The following LRP1B variants were observed in gnomAD, a reference collection of about 807,000 sequenced individuals.
The protein encoded by LRP1B is low-density lipoprotein receptor-related protein 1B.
LRP1B carries 217 observed loss-of-function variants against 556.6 expected under a neutral mutation model. That is an observed-to-expected ratio of 0.39 (90% CI 0.35 to 0.44). The LOEUF is 0.44. Ranked by LOEUF, LRP1B falls within the 20% of genes least tolerant of loss-of-function variation. The pLI, the probability that LRP1B is intolerant of heterozygous loss-of-function variation, is 1.00. For synonymous variants in LRP1B, 2,047 were observed against 1,865.8 expected (o/e 1.10, Z -2.50); for missense variants, 5,053 against 5,620.8 (o/e 0.90, Z 3.23).
At chr2:141,544,384 C>CTTCTTCTT (rs1559131566) in intron 2 of LRP1B, among the ~76,000 whole-genome samples, 7 of 40,792 alleles carry the variant, frequency 1.7e-4, no homozygotes, top group Admixed American at 3.2e-4. Flanking sequence ...TTCTTCTTCT[C>CTTCTTCTT]CTCCTCCTCC....
chr2:141,408,141 A>ATT (rs35914905), intron 3 of LRP1B, among the ~76,000 whole-genome samples: 74,264 of 123,630 alleles, frequency 0.6, 23,556 homozygotes, highest in Non-Finnish European at 0.69. Flanking sequence ...ATTTGGTTCA[A>ATT]TTTTTTTTTT....
At chr2:141,272,935 T>G (rs533653014) in intron 3 of LRP1B, among the ~76,000 whole-genome samples, 57 of 152,294 alleles carry the variant, frequency 3.7e-4, no homozygotes, top group Middle Eastern at 3.4e-3. Flanking sequence ...CAACAAAGAA[T>G]AGAATACTTG....
intron 1 of LRP1B, among the ~76,000 whole-genome samples, chr2:142,031,780 C>T (rs1218765570): frequency 6.6e-6 from 1 of 151,716 alleles, no homozygotes; most frequent in Non-Finnish European, 1.5e-5. Flanking sequence ...AATCCCCAGT[C>T]TCTCAGAATC....
chr2:140,399,213 A>G lies in LRP1B; in HGVS notation c.10415-13204T>C, dbSNP rs200875981. 3.9e-3 allele frequency among the ~76,000 whole-genome samples: 520 copies of G among 132,948 alleles called. 4 individuals carry two copies. Among genetic ancestry groups the G allele is most frequent in the African/African-American group, 0.015 (504 of 33,878 alleles). The allele number at this position is 132,948 out of a possible 152,430, so 87.2% of individuals were successfully genotyped here. On this transcript the variant is annotated intron_variant, in intron 66 of 90. Coordinates refer to ENST00000389484, the MANE Select transcript of LRP1B (RefSeq NM_018557.3). ...CACCACTTATTCAATGTGCCCTTAG[A>G]TTTTCAGGATATTTGATATTTTTAA...
intron 1 of LRP1B, among the ~76,000 whole-genome samples, chr2:142,115,197 A>G (rs60571278): frequency 0.023 from 3,492 of 151,724 alleles, 55 homozygotes; most frequent in African/African-American, 0.039. Context: ...AAATTTCAAC[A>G]TCCTATGAAA....
At chr2:140,813,631 C>A (rs199816946) in intron 32 of LRP1B, 26 bp downstream of exon 32, 4 of 1,609,410 alleles carry the variant, frequency 2.5e-6, no homozygotes, top group Non-Finnish European at 3.4e-6. Flanking sequence ...TACAAAGCAA[C>A]CAAGCTATAG....
At chr2:140,766,741 C>G (rs930552605) in intron 35 of LRP1B, among the ~76,000 whole-genome samples, 1 of 147,754 alleles carries the variant, frequency 6.8e-6, no homozygotes, top group Non-Finnish European at 1.5e-5. Flanking sequence ...GAATAGAAAA[C>G]ATAATATCAG....
intron 63 of LRP1B, among the ~76,000 whole-genome samples, chr2:140,448,006 T>A (rs1043542148): frequency 2.0e-5 from 3 of 152,010 alleles, no homozygotes; most frequent in African/African-American, 7.2e-5. Context: ...CCAAAACAAT[T>A]ACAATAGTAT....
intron 89 of LRP1B, among the ~76,000 whole-genome samples, chr2:140,236,387 CAATA>C (rs1680699779): frequency 6.6e-6 from 1 of 150,730 alleles, no homozygotes; most frequent in African/African-American, 2.4e-5. Flanking sequence ...AATAACTATT[CAATA>C]AATAAGTGAA....
chr2:141,610,702 T>C (rs146470919), intron 2 of LRP1B, among the ~76,000 whole-genome samples: 1,672 of 152,302 alleles, frequency 0.011, 16 homozygotes, highest in Middle Eastern at 0.027. Flanking sequence ...AGGCAGCAAG[T>C]CTGCCTTTTT....
chr2:141,754,612 C>T (rs563498683), intron 2 of LRP1B, among the ~76,000 whole-genome samples: 1 of 152,232 alleles, frequency 6.6e-6, no homozygotes, highest in African/African-American at 2.4e-5. Context: ...TAAACATATT[C>T]CTGTTGACGC....
intron 43 of LRP1B, among the ~76,000 whole-genome samples, chr2:140,590,260 T>C (rs913293456): frequency 6.8e-6 from 1 of 148,076 alleles, no homozygotes; most frequent in African/African-American, 2.5e-5. Context: ...ACATAATATA[T>C]AATGTATATA....
At chr2:140,544,965 T>C (rs1311225870) in intron 43 of LRP1B, among the ~76,000 whole-genome samples, 1 of 152,080 alleles carries the variant, frequency 6.6e-6, no homozygotes, top group Non-Finnish European at 1.5e-5. Context: ...CTGTTACTTA[T>C]TGACTTTTTA....
Position 141,638,896 on chromosome 2 carries a change from C to CGTGTGTGTGT in LRP1B, c.206-158373_206-158364dup, listed in dbSNP as rs143805584. ...ATATATATATATGTGTGTGTATGTG[C>CGTGTGTGTGT]GTGTGTGTGTGTGTGTGTATACATA... On this transcript the variant is annotated intron_variant, in intron 2 of 90. Transcript: ENST00000389484. Among the ~76,000 whole-genome samples, 2 of 57,626 alleles carry CGTGTGTGTGT rather than the reference C, an allele frequency of 3.5e-5. 1 individual carries two copies. Among genetic ancestry groups the CGTGTGTGTGT allele is most frequent in the African/African-American group, 1.2e-4 (2 of 17,380 alleles). 37.8% of individuals were successfully genotyped at this position (57,626 alleles called of 152,430 possible). A position where few individuals can be genotyped will look rare whatever the true frequency, so the allele number is the denominator to read the frequency against.
chr2:141,950,618 G>A (rs569911496), intron 1 of LRP1B, among the ~76,000 whole-genome samples: 5 of 152,156 alleles, frequency 3.3e-5, no homozygotes, highest in Admixed American at 3.3e-4. Flanking sequence ...AGCATTTGGT[G>A]GAATTTTGGA....
intron 1 of LRP1B, among the ~76,000 whole-genome samples, chr2:141,813,631 A>T (rs1020348240): frequency 2.2e-4 from 33 of 152,084 alleles, no homozygotes; most frequent in Non-Finnish European, 7.4e-5. Context: ...ACCACTAAAA[A>T]ATTCTGAGGA....
intron 11 of LRP1B, among the ~76,000 whole-genome samples, chr2:141,039,632 T>G (rs1271950703): frequency 6.6e-6 from 1 of 152,070 alleles, no homozygotes; most frequent in Non-Finnish European, 1.5e-5. Flanking sequence ...CATGTGTATA[T>G]ACATATGGGT....
intron 7 of LRP1B, among the ~76,000 whole-genome samples, chr2:141,184,009 T>A (rs928092903): frequency 6.6e-6 from 1 of 152,006 alleles, no homozygotes; most frequent in African/African-American, 2.4e-5. Context: ...TTTACTTTAA[T>A]AGAAAACTGA....
At chr2:140,934,588 G>A (rs148214981) in intron 20 of LRP1B, among the ~76,000 whole-genome samples, 3 of 152,144 alleles carry the variant, frequency 2.0e-5, no homozygotes, top group East Asian at 1.9e-4. Context: ...TCAGACCCCC[G>A]TTCTATGGCA....
Sources: allele counts gnomAD v4.1 joint callset (sites outside exome capture counted in the v4.1 genomes callset), GRCh38; gene constraint gnomAD v4.1.1; transcripts MANE v1.5; gene names NCBI Gene and HGNC (gene_info 2026-07-23, HGNC 2026-07-21).